The following TMEM63C variants were observed in gnomAD, a reference collection of about 807,000 sequenced individuals.
TMEM63C encodes the protein transmembrane protein 63C.
Under a neutral mutation model 99.2 loss-of-function variants are expected in TMEM63C, and 32 were observed. The ratio of observed to expected loss-of-function variants is 0.32; its 90% CI spans 0.24 to 0.43. The LOEUF is 0.43. Among genes scored for constraint, TMEM63C ranks in the 20% least tolerant of loss-of-function variants. The pLI is 1.00. For synonymous variants in TMEM63C, 376 were observed against 397.9 expected, an observed-to-expected ratio of 0.94 and a Z score of 0.66; for missense variants, 826 against 1,053.0, an observed-to-expected ratio of 0.78 and a Z score of 2.98.
intron 5 of TMEM63C, among the ~76,000 whole-genome samples, chr14:77,222,874 C>T (rs1324917411): frequency 6.6e-6 from 1 of 152,212 alleles, no homozygotes; most frequent in Non-Finnish European, 1.5e-5. Flanking sequence ...TGTAACGATC[C>T]CTCATCTGCA....
At chr14:77,243,109 A>T in intron 15 of TMEM63C, 53 bp downstream of exon 15, 1 of 1,596,966 alleles carries the variant, frequency 6.3e-7, no homozygotes, top group Middle Eastern at 1.7e-4. Flanking sequence ...TCAAGGAATA[A>T]TTCAGGCGAG....
chr14:77,186,392 A>G (rs1310487456), intron 1 of TMEM63C, among the ~76,000 whole-genome samples: 3 of 152,150 alleles, frequency 2.0e-5, no homozygotes, highest in Non-Finnish European at 4.4e-5. Flanking sequence ...GCACTGTTAG[A>G]ACTGAACTGT....
chr14:77,191,683 C>T (rs1010170889), intron 1 of TMEM63C, among the ~76,000 whole-genome samples: 7 of 151,718 alleles, frequency 4.6e-5, no homozygotes, highest in African/African-American at 1.7e-4. Context: ...TAGCTGGGAT[C>T]ACAGGCATGC....
In TMEM63C at chr14:77,233,438, T is replaced by C; in HGVS notation, c.494-14T>C. 6.2e-7 allele frequency: 1 copy of C among 1,612,716 alleles called. No homozygotes were observed. ...GGAGCCAGGCTCGAGGTCAGCAACT[T>C]CTTTCTCTTTCAGACTGGAGCAGTC... On this transcript the variant is annotated splice_polypyrimidine_tract_variant and intron_variant, in intron 7 of 23. Coordinates refer to ENST00000298351, the MANE Select transcript of TMEM63C (RefSeq NM_020431.4).
intron 5 of TMEM63C, among the ~76,000 whole-genome samples, chr14:77,222,065 A>C (rs962736058): frequency 1.3e-5 from 2 of 152,054 alleles, no homozygotes; most frequent in Non-Finnish European, 2.9e-5. Flanking sequence ...CCATCTCTAC[A>C]CATAAACTTT....
At chr14:77,248,993 G>C in intron 20 of TMEM63C, 121 bp downstream of exon 20, 1 of 988,798 alleles carries the variant, frequency 1.0e-6, no homozygotes, top group East Asian at 2.4e-5. Context: ...GGAGGGGTCA[G>C]GGCCAGGGCC....
chr14:77,190,114 TATG>T (rs34364022), intron 1 of TMEM63C, among the ~76,000 whole-genome samples: 73,320 of 148,380 alleles, frequency 0.49, 18,010 homozygotes, highest in East Asian at 0.78. Context: ...AAAATAGAAT[TATG>T]ATTATTATTA....
At chr14:77,227,284 G>C (rs955790692) in intron 6 of TMEM63C, among the ~76,000 whole-genome samples, 1 of 152,122 alleles carries the variant, frequency 6.6e-6, no homozygotes. Flanking sequence ...GACCTGAACC[G>C]GGGCAGTGAC....
intron 1 of TMEM63C, among the ~76,000 whole-genome samples, chr14:77,193,999 CA>C (rs1380974259): frequency 6.6e-6 from 1 of 152,002 alleles, no homozygotes; most frequent in African/African-American, 2.4e-5. Context: ...GACGCTGTCT[CA>C]AAACAAATAA....
chr14:77,218,264 T>C (rs1026956585), intron 2 of TMEM63C, among the ~76,000 whole-genome samples: 15 of 149,932 alleles, frequency 1.0e-4, no homozygotes, highest in African/African-American at 3.7e-4. Flanking sequence ...CTTGAGTCAC[T>C]GCACATGCCA....
chr14:77,246,243 G>A (rs1236718083), intron 17 of TMEM63C, among the ~76,000 whole-genome samples: 1 of 152,238 alleles, frequency 6.6e-6, no homozygotes, highest in African/African-American at 2.4e-5. Context: ...TCTGGCTGGG[G>A]ACACAAGGCG....
chr14:77,182,533 C>T (rs990415071), intron 1 of TMEM63C, among the ~76,000 whole-genome samples: 1 of 152,146 alleles, frequency 6.6e-6, no homozygotes, highest in African/African-American at 2.4e-5. Context: ...TGTGGCTTGA[C>T]CAAGGTCACT....
intron 1 of TMEM63C, among the ~76,000 whole-genome samples, chr14:77,206,581 G>A (rs1888406248): frequency 1.3e-5 from 2 of 152,184 alleles, no homozygotes; most frequent in Admixed American, 1.3e-4. Flanking sequence ...TTCTGAGTAG[G>A]CAGCCTGCAC....
chr14:77,226,531 TA>T (rs768028989), intron 6 of TMEM63C, among the ~76,000 whole-genome samples: 1 of 152,182 alleles, frequency 6.6e-6, no homozygotes, highest in Non-Finnish European at 1.5e-5. Flanking sequence ...AGAGAGAAAT[TA>T]ATTCCAACTG....
chr14:77,246,237 G>T (rs1178635911), intron 17 of TMEM63C, among the ~76,000 whole-genome samples: 1 of 152,220 alleles, frequency 6.6e-6, no homozygotes, highest in African/African-American at 2.4e-5. Context: ...TTATCATCTG[G>T]CTGGGGACAC....
At chr14:77,184,580 C>A (rs771927626) in intron 1 of TMEM63C, among the ~76,000 whole-genome samples, 1 of 152,200 alleles carries the variant, frequency 6.6e-6, no homozygotes, top group Non-Finnish European at 1.5e-5. Flanking sequence ...TGGGCAGGCT[C>A]ACACTGGGAA....
intron 2 of TMEM63C, among the ~76,000 whole-genome samples, chr14:77,214,297 G>T (rs541979816): frequency 6.4e-4 from 97 of 152,250 alleles, no homozygotes; most frequent in Non-Finnish European, 1.0e-3. Context: ...TGAGGCATGG[G>T]GACTGTAAGT....
intron 1 of TMEM63C, among the ~76,000 whole-genome samples, chr14:77,196,997 C>G (rs1403454599): frequency 6.6e-6 from 1 of 152,178 alleles, no homozygotes; most frequent in Non-Finnish European, 1.5e-5. Flanking sequence ...AGTGACTGGA[C>G]ATCCCAAGCT....
At chr14:77,237,403 C>T (rs1003176775) in intron 9 of TMEM63C, among the ~76,000 whole-genome samples, 3 of 152,072 alleles carry the variant, frequency 2.0e-5, no homozygotes, top group East Asian at 1.9e-4. Flanking sequence ...GAATGAGTAG[C>T]GCTTGTTTAT....
Sources: gnomAD v4.1 joint callset for allele counts (sites outside exome capture counted in the v4.1 genomes callset) on GRCh38, gnomAD v4.1.1 for gene constraint, MANE v1.5 for transcripts, NCBI Gene and HGNC (gene_info 2026-07-23, HGNC 2026-07-21) for gene names.